CSMD1: variants seen among roughly 807,000 people sequenced by gnomAD.
CSMD1 encodes the protein CUB and Sushi multiple domains 1.
Under a neutral mutation model 417.5 loss-of-function variants are expected in CSMD1, and 213 were observed. The ratio of observed to expected loss-of-function variants is 0.51; its 90% CI spans 0.46 to 0.57. The LOEUF (loss-of-function observed/expected upper bound fraction) is 0.57. Ranked by LOEUF, CSMD1 falls within the 20% of genes least tolerant of loss-of-function variation. The pLI, the probability that CSMD1 is intolerant of heterozygous loss-of-function variation, is 0.00. For synonymous variants in CSMD1, 2,862 were observed against 1,736.8 expected, an observed-to-expected ratio of 1.65 and a Z score of -16.11; for missense variants, 6,923 against 4,529.7, an observed-to-expected ratio of 1.53 and a Z score of -15.17.
intron 3 of CSMD1, among the ~76,000 whole-genome samples, chr8:4,376,237 A>G (rs781780366): frequency 6.6e-6 from 1 of 152,148 alleles, no homozygotes; most frequent in African/African-American, 2.4e-5. Flanking sequence ...ACGTTTTCCT[A>G]TTTGACAATA....
intron 4 of CSMD1, among the ~76,000 whole-genome samples, chr8:4,004,413 C>A (rs1054435687): frequency 2.1e-5 from 3 of 144,654 alleles, no homozygotes; most frequent in Non-Finnish European, 3.0e-5. Context: ...TAAATTCTGC[C>A]ATGAATCTTT....
At chr8:3,359,911 T>C (rs758299905) in intron 20 of CSMD1, among the ~76,000 whole-genome samples, 1 of 152,184 alleles carries the variant, frequency 6.6e-6, no homozygotes, top group Non-Finnish European at 1.5e-5. Flanking sequence ...ACAAATAGCA[T>C]ATTAAAATGA....
chr8:3,310,273 C>T (rs1411895031), intron 23 of CSMD1, among the ~76,000 whole-genome samples: 2 of 152,218 alleles, frequency 1.3e-5, no homozygotes, highest in Admixed American at 1.3e-4. Flanking sequence ...TTATTCAGTG[C>T]TCATTTCTGT....
At chr8:4,329,047 G>C (rs1270183154) in intron 3 of CSMD1, among the ~76,000 whole-genome samples, 1 of 152,050 alleles carries the variant, frequency 6.6e-6, no homozygotes, top group Non-Finnish European at 1.5e-5. Context: ...TCAAGCCCTG[G>C]AGAATAATCA....
intron 2 of CSMD1, among the ~76,000 whole-genome samples, chr8:4,471,752 C>G (rs1237822914): frequency 6.6e-6 from 1 of 152,038 alleles, no homozygotes; most frequent in African/African-American, 2.4e-5. Context: ...AAGTTAGACC[C>G]ATTTCTTTAG....
At chr8:3,027,781 C>T (rs978371230) in intron 51 of CSMD1, among the ~76,000 whole-genome samples, 2 of 152,202 alleles carry the variant, frequency 1.3e-5, no homozygotes, top group Non-Finnish European at 2.9e-5. Flanking sequence ...GGAAAACAGA[C>T]TTTCTAGAAT....
At chr8:4,069,298 G>C (rs370081824) in intron 3 of CSMD1, among the ~76,000 whole-genome samples, 323 of 152,216 alleles carry the variant, frequency 2.1e-3, no homozygotes, top group African/African-American at 7.2e-3. Context: ...ATTATTTTTT[G>C]ACCATTTTTA....
chr8:4,466,469 G>A (rs545985028), intron 2 of CSMD1, among the ~76,000 whole-genome samples: 2 of 141,198 alleles, frequency 1.4e-5, no homozygotes, highest in East Asian at 2.1e-4. Flanking sequence ...TATAGGCAAG[G>A]AAATTTAGCC....
chr8:3,624,754 C>T (rs1355461528), intron 7 of CSMD1, among the ~76,000 whole-genome samples: 1 of 152,180 alleles, frequency 6.6e-6, no homozygotes, highest in Non-Finnish European at 1.5e-5. Flanking sequence ...TTCAGACCTT[C>T]CTGCTTTACT....
At chr8:3,533,521 T>C (rs1798065864) in intron 10 of CSMD1, among the ~76,000 whole-genome samples, 1 of 152,166 alleles carries the variant, frequency 6.6e-6, no homozygotes, top group African/African-American at 2.4e-5. Context: ...TAGCATCATG[T>C]GATTCAAAGA....
Position 4,356,973 on chromosome 8 carries a change from C to G in CSMD1, c.415+62980G>C, listed in dbSNP as rs1801466721. Reference sequence around the variant, plus strand: ...TAATAGCAACTGAAAGACTTTGCAGCTATGTGAATATGTGAATATATGAAG... The same window carrying G: ...TAATAGCAACTGAAAGACTTTGCAGGTATGTGAATATGTGAATATATGAAG... On this transcript the variant is annotated intron_variant, in intron 3 of 69. Transcript: ENST00000635120. 2.0e-5 allele frequency among the ~76,000 whole-genome samples: 3 copies of G among 152,128 alleles called. No homozygotes were observed. The South Asian group carries it at 6.2e-4, about 32-fold the overall frequency.
intron 7 of CSMD1, among the ~76,000 whole-genome samples, chr8:3,645,676 A>G (rs1797538801): frequency 6.6e-6 from 1 of 152,220 alleles, no homozygotes; most frequent in African/African-American, 2.4e-5. Context: ...AGCAGAGACT[A>G]CGGCATTGCC....
intron 60 of CSMD1, among the ~76,000 whole-genome samples, chr8:2,962,940 C>G (rs865933707): frequency 1.3e-5 from 2 of 152,020 alleles, no homozygotes; most frequent in Non-Finnish European, 2.9e-5. Flanking sequence ...CCCAGCTACT[C>G]GGGAGGCTGA....
intron 3 of CSMD1, among the ~76,000 whole-genome samples, chr8:4,075,023 T>A (rs559454538): frequency 6.6e-6 from 1 of 152,308 alleles, no homozygotes; most frequent in South Asian, 2.1e-4. Context: ...CTTTACTCAC[T>A]GTAATAACCC....
At chr8:4,150,889 C>CTAA (rs1244207421) in intron 3 of CSMD1, among the ~76,000 whole-genome samples, 1 of 2,542 alleles carries the variant, frequency 3.9e-4, no homozygotes, top group African/African-American at 5.9e-4. Flanking sequence ...TGAGAAACGC[C>CTAA]TGAGAAAGAG....
At chr8:4,340,015 C>T (rs1241633074) in intron 3 of CSMD1, among the ~76,000 whole-genome samples, 2 of 152,026 alleles carry the variant, frequency 1.3e-5, no homozygotes, top group African/African-American at 4.8e-5. Flanking sequence ...CAGAACCAGG[C>T]ACTTCTAGCG....
At chr8:3,564,769 C>T (rs1388182899) in intron 10 of CSMD1, among the ~76,000 whole-genome samples, 3 of 151,822 alleles carry the variant, frequency 2.0e-5, no homozygotes, top group South Asian at 2.1e-4. Context: ...AAACCACAAT[C>T]GATCTTGAAA....
intron 5 of CSMD1, among the ~76,000 whole-genome samples, chr8:3,871,182 T>A (rs2129112531): frequency 6.6e-6 from 1 of 152,232 alleles, no homozygotes; most frequent in East Asian, 1.9e-4. Flanking sequence ...CTAATGCAAA[T>A]GTGCAAATAT....
chr8:4,895,693 A>G (rs1804437638), intron 1 of CSMD1, among the ~76,000 whole-genome samples: 1 of 145,380 alleles, frequency 6.9e-6, no homozygotes, highest in Non-Finnish European at 1.5e-5. Context: ...ACCTTCCCTG[A>G]TTTTTTTTTT....
Sources: gnomAD v4.1 joint callset for allele counts (sites outside exome capture counted in the v4.1 genomes callset) on GRCh38, gnomAD v4.1.1 for gene constraint, MANE v1.5 for transcripts, NCBI Gene and HGNC (gene_info 2026-07-23, HGNC 2026-07-21) for gene names.